The following ERICH5 variants were observed in gnomAD, a reference collection of about 807,000 sequenced individuals.
ERICH5 encodes the protein glutamate rich 5.
Under a neutral mutation model 28.0 loss-of-function variants are expected in ERICH5, and 24 were observed. The observed-to-expected ratio is 0.86, with a 90% CI of 0.62 to 1.21. The LOEUF (loss-of-function observed/expected upper bound fraction) is 1.21, where lower values mean the gene tolerates loss of function less well. Among genes scored for constraint, ERICH5 ranks in the 50% most tolerant of loss-of-function variants. The pLI, the probability that ERICH5 is intolerant of heterozygous loss-of-function variation, is 0.00. For missense variants in ERICH5, 421 were observed against 441.2 expected (o/e 0.95, Z 0.41); for synonymous variants, 163 against 157.6 (o/e 1.03, Z -0.25).
At chr8:98,088,257 T>G (rs891728876) in intron 1 of ERICH5, among the ~76,000 whole-genome samples, 1 of 152,192 alleles carries the variant, frequency 6.6e-6, no homozygotes, top group Non-Finnish European at 1.5e-5. Context: ...AACATATTGC[T>G]TATCTTAAAC....
At chr8:98,086,139 ACAG>A (rs1206762225) in intron 1 of ERICH5, among the ~76,000 whole-genome samples, 2 of 152,238 alleles carry the variant, frequency 1.3e-5, no homozygotes, top group Non-Finnish European at 2.9e-5. Context: ...CACTAAAATG[ACAG>A]TAAAGAGATT....
rs6984648 is a variant in ERICH5, at chr8:98,073,460, G to A, written c.58+8733G>A. Among the ~76,000 whole-genome samples, 86 of 14,270 alleles carry A rather than the reference G, an allele frequency of 6.0e-3. 1 individual carries two copies. Among genetic ancestry groups the A allele is most frequent in the East Asian group, 0.12 (1 of 8 alleles). The allele number at this position is 14,270 out of a possible 152,430, so 9.4% of individuals were successfully genotyped here. A position where few individuals can be genotyped will look rare whatever the true frequency, so the allele number is the denominator to read the frequency against. ...TATATATATATATATATATATATAT[G>A]TATATATATATATATATATATATAT... On this transcript the variant is annotated intron_variant, in intron 1 of 2. Coordinates refer to ENST00000318528, the MANE Select transcript of ERICH5 (RefSeq NM_173549.3).
intron 1 of ERICH5, among the ~76,000 whole-genome samples, chr8:98,068,172 A>G (rs1814851896): frequency 3.9e-5 from 6 of 152,080 alleles, no homozygotes; most frequent in Admixed American, 3.9e-4. Context: ...TATAAATTTA[A>G]ATCAGACAGC....
intron 1 of ERICH5, among the ~76,000 whole-genome samples, chr8:98,079,626 G>A (rs144202290): frequency 0.012 from 1,899 of 152,208 alleles, 22 homozygotes; most frequent in Admixed American, 0.024. Flanking sequence ...TGCAACCTCC[G>A]CCTCCTGGGT....
rs1288146235 is a variant in ERICH5 at position 98,093,286 on chromosome 8, AAAG to A, written c.1087_1089del (p.Glu363del). 12 of 1,613,890 alleles carry A rather than the reference AAAG, an allele frequency of 7.4e-6. No homozygotes were observed. Among genetic ancestry groups the A allele is most frequent in the Admixed American group, 1.7e-5 (1 of 59,992 alleles). ...GAAAGTGAGTGAAGGGGCTGAAACCAAAGAAGAAGAAACAGGAGAAGTGGTGGA... is the reference window on the plus strand; with the variant it reads ...GAAAGTGAGTGAAGGGGCTGAAACCAAAGAAGAAACAGGAGAAGTGGTGGA... On this transcript the variant is annotated inframe_deletion, in exon 3 of 3. Transcript: ENST00000318528.
intron 2 of ERICH5, among the ~76,000 whole-genome samples, chr8:98,091,919 TCC>T (rs1332430174): frequency 1.6e-4 from 13 of 82,932 alleles, no homozygotes; most frequent in African/African-American, 5.1e-4. Flanking sequence ...CTTTCTTTCT[TCC>T]TTTCTTTCTT....
chr8:98,092,705 G>A (rs1386920698), intron 2 of ERICH5, among the ~76,000 whole-genome samples: 1 of 151,932 alleles, frequency 6.6e-6, no homozygotes, highest in Non-Finnish European at 1.5e-5. Context: ...GCCAAGACTC[G>A]AGATGTTAAT....
At chr8:98,075,545 T>C (rs1328447055) in intron 1 of ERICH5, among the ~76,000 whole-genome samples, 4 of 152,140 alleles carry the variant, frequency 2.6e-5, no homozygotes, top group Non-Finnish European at 5.9e-5. Flanking sequence ...CTGAATTGCA[T>C]GTAGGTGCCT....
intron 1 of ERICH5, among the ~76,000 whole-genome samples, chr8:98,065,993 G>A (rs79464425): frequency 0.033 from 5,038 of 152,166 alleles, 242 homozygotes; most frequent in African/African-American, 0.11. Flanking sequence ...CATAGATAAC[G>A]GAAAGCAATG....
At chr8:98,064,765 G>A in intron 1 of ERICH5, 38 bp downstream of exon 1, 2 of 1,513,080 alleles carry the variant, frequency 1.3e-6, no homozygotes, top group Non-Finnish European at 8.8e-7. Context: ...CCCGGGCTGG[G>A]GACTCGGGTG....
chr8:98,073,432 C>CTA (rs1185025027), intron 1 of ERICH5, among the ~76,000 whole-genome samples: 1 of 15,036 alleles, frequency 6.7e-5, no homozygotes, highest in Admixed American at 1.2e-3. Flanking sequence ...CTCTCTCTCT[C>CTA]TATATATATA....
In ERICH5 at chr8:98,067,171, A is replaced by G. The variant is rs192406388; in HGVS notation, c.58+2444A>G. Among the ~76,000 whole-genome samples the G allele has an allele frequency of 4.7e-4, 72 of 152,320 alleles. 1 individual carries two copies. The East Asian group carries it at 0.014, about 29-fold the overall frequency. ...TATGCTTTGTTGGGCACAGTGGCTCATGCTTATAATCCCAATGGCTCTGGA... is the reference window on the plus strand; with the variant it reads ...TATGCTTTGTTGGGCACAGTGGCTCGTGCTTATAATCCCAATGGCTCTGGA... On this transcript the variant is annotated intron_variant, in intron 1 of 2. Coordinates refer to ENST00000318528, the MANE Select transcript of ERICH5 (RefSeq NM_173549.3).
intron 1 of ERICH5, among the ~76,000 whole-genome samples, chr8:98,086,689 G>A (rs1012965846): frequency 5.9e-5 from 9 of 152,082 alleles, no homozygotes; most frequent in African/African-American, 1.7e-4. Context: ...GGTGGCTCAC[G>A]CCTGTAATCC....
chr8:98,089,315 T>A lies in ERICH5; in HGVS notation c.298T>A (p.Ser100Thr). Reference sequence around the variant, plus strand: ...AAGGGATGCCACAGACCAATCAGGGTCCACAGAAAAGACTCAGCCTGGAGA... The same window carrying A: ...AAGGGATGCCACAGACCAATCAGGGACCACAGAAAAGACTCAGCCTGGAGA... ...PGRDATDQSG[S>T]TEKTQPGEGL... The change falls in exon 2 of 3, where the codon TCC (serine) becomes ACC (threonine). Residue 100 changes from serine (S) to threonine (T), a missense_variant. By Grantham distance (58) the Ser-to-Thr change is moderately conservative (BLOSUM62 1). Coordinates refer to ENST00000318528, the MANE Select transcript of ERICH5 (RefSeq NM_173549.3). The A allele has an allele frequency of 6.2e-7, 1 of 1,614,016 alleles. No individual in the cohort carries two copies. Among genetic ancestry groups the A allele is most frequent in the Non-Finnish European group, 8.5e-7 (1 of 1,180,002 alleles).
intron 1 of ERICH5, among the ~76,000 whole-genome samples, chr8:98,075,071 T>C (rs1266882750): frequency 6.6e-6 from 1 of 152,168 alleles, no homozygotes; most frequent in Non-Finnish European, 1.5e-5. Flanking sequence ...TTTCTCATGA[T>C]GACACTGGAG....
intron 1 of ERICH5, among the ~76,000 whole-genome samples, chr8:98,068,264 G>A (rs1814852877): frequency 6.6e-6 from 1 of 152,184 alleles, no homozygotes; most frequent in South Asian, 2.1e-4. Flanking sequence ...TGACCCATTA[G>A]ACACTGAATC....
At position 98,093,313 on chromosome 8, in the gene ERICH5, G is replaced by A; in HGVS notation, c.1105G>A (p.Asp369Asn). The A allele has an allele frequency of 6.2e-7, 1 of 1,613,638 alleles. No homozygotes were observed. Among genetic ancestry groups the A allele is most frequent in the Non-Finnish European group, 8.5e-7 (1 of 1,179,686 alleles). ...TKEEETGEVV[D>N]LSAAT Reference sequence around the variant, plus strand: ...AGAAGAAGAAACAGGAGAAGTGGTGGACCTTTCAGCAGCCACATAGATAGA... The same window carrying A: ...AGAAGAAGAAACAGGAGAAGTGGTGAACCTTTCAGCAGCCACATAGATAGA... The change falls in exon 3 of 3, where the codon GAC becomes AAC. Residue 369 changes from aspartate (D) to asparagine (N), a missense_variant. Asp to Asn is a conservative substitution (Grantham distance 23). Transcript: ENST00000318528.
intron 1 of ERICH5, among the ~76,000 whole-genome samples, chr8:98,081,444 G>A (rs1815181672): frequency 6.6e-6 from 1 of 152,136 alleles, no homozygotes; most frequent in South Asian, 2.1e-4. Context: ...GGCCACTACG[G>A]GAGGTATAAC....
At chr8:98,083,112 T>C (rs1815211426) in intron 1 of ERICH5, among the ~76,000 whole-genome samples, 1 of 152,218 alleles carries the variant, frequency 6.6e-6, no homozygotes, top group South Asian at 2.1e-4. Context: ...CATTTTTTTC[T>C]GCACAATTTT....
Sources: gnomAD v4.1 joint callset for allele counts (sites outside exome capture counted in the v4.1 genomes callset) on GRCh38, gnomAD v4.1.1 for gene constraint, MANE v1.5 for transcripts, NCBI Gene and HGNC (gene_info 2026-07-23, HGNC 2026-07-21) for gene names.